The following DSCAM variants were observed in gnomAD, a reference collection of about 807,000 sequenced individuals.
DSCAM encodes the protein cell adhesion molecule DSCAM.
DSCAM carries 47 observed loss-of-function variants against 217.7 expected under a neutral mutation model. The observed-to-expected ratio is 0.22, with a 90% CI of 0.17 to 0.28. DSCAM has a LOEUF of 0.28. DSCAM is among the 10% of genes least tolerant of loss of function. The pLI is 1.00. For synonymous variants in DSCAM, 1,056 were observed against 1,015.3 expected (o/e 1.04, Z -0.76); for missense variants, 2,080 against 2,618.3 (o/e 0.79, Z 4.49).
At chr21:40,571,040 A>T (rs911237368) in intron 3 of DSCAM, among the ~76,000 whole-genome samples, 1 of 152,182 alleles carries the variant, frequency 6.6e-6, no homozygotes, top group Non-Finnish European at 1.5e-5. Flanking sequence ...ATAAGATTTT[A>T]AAAAGTTATT....
intron 1 of DSCAM, among the ~76,000 whole-genome samples, chr21:40,790,706 C>G (rs534823399): frequency 6.6e-6 from 1 of 152,256 alleles, no homozygotes; most frequent in South Asian, 2.1e-4. Flanking sequence ...TAGTGTAACA[C>G]AGCATCACAG....
chr21:40,789,239 C>T (rs1192334910), intron 1 of DSCAM, among the ~76,000 whole-genome samples: 1 of 149,966 alleles, frequency 6.7e-6, no homozygotes, highest in South Asian at 2.2e-4. Flanking sequence ...GGAAAGATAG[C>T]TGATAGCCGG....
chr21:40,143,391 T>A (rs1486551635), intron 17 of DSCAM, among the ~76,000 whole-genome samples: 3 of 152,160 alleles, frequency 2.0e-5, no homozygotes, highest in African/African-American at 7.2e-5. Context: ...ACTATTGCAA[T>A]TATGAAGATA....
At position 40,144,446 on chromosome 21, in the gene DSCAM, C is replaced by A. The variant is rs200076136; in HGVS notation, c.3259+45G>T. 3 of 1,608,088 alleles carry A rather than the reference C, an allele frequency of 1.9e-6. No homozygotes were observed. The highest frequency in any genetic ancestry group is 2.6e-6 in the Non-Finnish European group (3 of 1,176,142). On this transcript the variant is annotated intron_variant, in intron 17 of 32. Transcript: ENST00000400454. This position sits in a 1 kb window ranked among gnomAD's most constrained non-coding sequence, Gnocchi z 4.8. ...GAGCCCCGGGGCAGACCCGAGGGAA[C>A]CTTTGCGGAGGGAAAAGCCACGACC... is the stretch of plus-strand genomic sequence containing the variant.
chr21:40,620,486 A>C, intron 3 of DSCAM, among the ~76,000 whole-genome samples: 2 of 136,824 alleles, frequency 1.5e-5, no homozygotes, highest in Non-Finnish European at 3.1e-5. Context: ...AGGGAAGGGA[A>C]GGGAGAGAGA....
chr21:40,100,323 A>G (rs1275866367), intron 20 of DSCAM, among the ~76,000 whole-genome samples: 1 of 152,250 alleles, frequency 6.6e-6, no homozygotes, highest in Non-Finnish European at 1.5e-5. Context: ...TTTAATGCTC[A>G]GCCAAAAATG....
intron 3 of DSCAM, among the ~76,000 whole-genome samples, chr21:40,525,441 G>C (rs964734090): frequency 6.6e-6 from 1 of 152,132 alleles, no homozygotes; most frequent in Non-Finnish European, 1.5e-5. Flanking sequence ...GCTACACCAC[G>C]GGGGTTCATC....
chr21:40,642,777 T>TGG (rs772707507), intron 3 of DSCAM, among the ~76,000 whole-genome samples: 1 of 151,998 alleles, frequency 6.6e-6, no homozygotes, highest in African/African-American at 2.4e-5. Context: ...TTAGTAGAGT[T>TGG]GGGGGTTCTG....
intron 21 of DSCAM, among the ~76,000 whole-genome samples, chr21:40,089,814 C>T (rs1383098604): frequency 6.6e-6 from 1 of 152,132 alleles, no homozygotes; most frequent in Non-Finnish European, 1.5e-5. Flanking sequence ...AGAAAACCTA[C>T]CTACAGCAAT....
At chr21:40,595,281 G>A (rs1236024143) in intron 3 of DSCAM, among the ~76,000 whole-genome samples, 2 of 152,036 alleles carry the variant, frequency 1.3e-5, no homozygotes, top group African/African-American at 4.8e-5. Flanking sequence ...AGGAGGCTGA[G>A]GTGGGAGGAT....
chr21:40,582,125 G>A (rs943961050), intron 3 of DSCAM, among the ~76,000 whole-genome samples: 1 of 152,124 alleles, frequency 6.6e-6, no homozygotes, highest in Non-Finnish European at 1.5e-5. Flanking sequence ...GCCCTACTGG[G>A]ATTGGCTATA....
chr21:40,294,102 AC>A (rs1300250789), intron 10 of DSCAM, among the ~76,000 whole-genome samples: 1 of 152,146 alleles, frequency 6.6e-6, no homozygotes, highest in Non-Finnish European at 1.5e-5. Context: ...TTCTTTGATG[AC>A]TTGATATTGG....
At chr21:40,096,370 G>A (rs2089677335) in intron 20 of DSCAM, among the ~76,000 whole-genome samples, 1 of 152,160 alleles carries the variant, frequency 6.6e-6, no homozygotes. Context: ...AGCACATACT[G>A]TCAGGACCTC....
chr21:40,371,434 A>AT (rs2074897480), intron 3 of DSCAM, among the ~76,000 whole-genome samples: 1 of 151,558 alleles, frequency 6.6e-6, no homozygotes, highest in Non-Finnish European at 1.5e-5. Context: ...AAAAAAAAAA[A>AT]AGATGATGTA....
chr21:40,324,189 C>G lies in DSCAM; in HGVS notation c.1784-11830G>C, dbSNP rs2074293895. ...AAAAGGAAGGCAAATAACTTTTTTC[C>G]CAAAAATTGTTTAAAATTATCAAGT... On this transcript the variant is annotated intron_variant, in intron 8 of 32. Coordinates refer to ENST00000400454, the MANE Select transcript of DSCAM (RefSeq NM_001389.5). Among the ~76,000 whole-genome samples, 5 of 148,122 alleles carry G rather than the reference C, an allele frequency of 3.4e-5. No homozygotes were observed. In the South Asian group the frequency reaches 1.1e-3, roughly 32 times the overall value.
intron 11 of DSCAM, among the ~76,000 whole-genome samples, chr21:40,265,027 GAA>G (rs112537966): frequency 9.3e-5 from 14 of 151,312 alleles, no homozygotes; most frequent in African/African-American, 3.4e-4. Context: ...CATTTATACT[GAA>G]AAAAAATATA....
intron 3 of DSCAM, among the ~76,000 whole-genome samples, chr21:40,577,741 CA>C (rs1192852922): frequency 5.9e-5 from 9 of 152,088 alleles, no homozygotes; most frequent in African/African-American, 1.9e-4. Context: ...GTTAAGTAGG[CA>C]AAAAGTTAAA....
chr21:40,250,038 C>T (rs1422479531), intron 11 of DSCAM, among the ~76,000 whole-genome samples: 4 of 152,190 alleles, frequency 2.6e-5, no homozygotes, highest in African/African-American at 9.7e-5. Flanking sequence ...AACATGGTCA[C>T]TTTGTACTGT....
chr21:40,572,072 ATGTGTGTGTGTGGGTGTGTGTG>A (rs1390228998), intron 3 of DSCAM, among the ~76,000 whole-genome samples: 1 of 127,308 alleles, frequency 7.9e-6, no homozygotes, highest in Non-Finnish European at 1.6e-5. Flanking sequence ...GATACTCAAC[ATGTGTGTGTGTGGGTGTGTGTG>A]TGTGTGTGTG....
Sources: allele counts gnomAD v4.1 joint callset (sites outside exome capture counted in the v4.1 genomes callset), GRCh38; gene constraint gnomAD v4.1.1; non-coding constraint Gnocchi (gnomAD v3.1); transcripts MANE v1.5; gene names NCBI Gene and HGNC (gene_info 2026-07-23, HGNC 2026-07-21).